Variants in KSR2 observed in about 807,000 individuals in gnomAD.
KSR2 encodes kinase suppressor of ras 2.
A neutral mutation model predicts 107.8 loss-of-function variants in KSR2; 25 were observed. That is an observed-to-expected ratio of 0.23 (90% CI 0.17 to 0.32). The LOEUF is 0.32. Among genes scored for constraint, KSR2 ranks in the 10% least tolerant of loss-of-function variants. KSR2 has a pLI of 1.00. For missense variants in KSR2, 887 were observed against 1,268.9 expected (o/e 0.70, Z 4.57); for synonymous variants, 480 against 507.0 (o/e 0.95, Z 0.71).
At chr12:117,542,290 G>T (rs1414484989) in intron 9 of KSR2, among the ~76,000 whole-genome samples, 1 of 152,028 alleles carries the variant, frequency 6.6e-6, no homozygotes, top group Non-Finnish European at 1.5e-5. Flanking sequence ...ATTGAGTAGA[G>T]GTGCTTTGTC....
intron 3 of KSR2, among the ~76,000 whole-genome samples, chr12:117,803,560 G>C (rs984851596): frequency 2.6e-5 from 4 of 151,978 alleles, no homozygotes; most frequent in Admixed American, 6.6e-5. Context: ...AAAATTAGCC[G>C]GACGTGGTGG....
intron 1 of KSR2, among the ~76,000 whole-genome samples, chr12:117,862,062 CTTTT>C (rs34794818): frequency 7.1e-6 from 1 of 139,894 alleles, no homozygotes; most frequent in African/African-American, 2.6e-5. Flanking sequence ...ATATTATCAT[CTTTT>C]TTTTTTTTTT....
intron 3 of KSR2, among the ~76,000 whole-genome samples, chr12:117,854,150 G>T (rs781528672): frequency 6.6e-6 from 1 of 152,046 alleles, no homozygotes; most frequent in Non-Finnish European, 1.5e-5. Context: ...GACTACAGGC[G>T]TGTGCCACCA....
chr12:117,732,469 T>C (rs1887770265), intron 4 of KSR2, among the ~76,000 whole-genome samples: 1 of 152,054 alleles, frequency 6.6e-6, no homozygotes. Context: ...TTTGTATTTT[T>C]AGTAGAGATG....
chr12:117,793,864 C>T (rs1427526432), intron 3 of KSR2, among the ~76,000 whole-genome samples: 1 of 141,842 alleles, frequency 7.1e-6, no homozygotes, highest in East Asian at 2.3e-4. Context: ...TGCGCATATA[C>T]ACCAATATGC....
intron 3 of KSR2, among the ~76,000 whole-genome samples, chr12:117,773,511 A>T (rs1889579659): frequency 6.6e-6 from 1 of 152,176 alleles, no homozygotes; most frequent in Non-Finnish European, 1.5e-5. Context: ...ATTTCTCTGA[A>T]TTTCGGAGCC....
At chr12:117,913,110 C>A (rs948788469) in intron 1 of KSR2, among the ~76,000 whole-genome samples, 1 of 152,180 alleles carries the variant, frequency 6.6e-6, no homozygotes, top group Non-Finnish European at 1.5e-5. Flanking sequence ...AATGGTGTAT[C>A]CTGTCCGTTC....
chr12:117,736,201 A>T (rs1259257395), intron 4 of KSR2, among the ~76,000 whole-genome samples: 1 of 152,196 alleles, frequency 6.6e-6, no homozygotes, highest in Non-Finnish European at 1.5e-5. Flanking sequence ...CCCCCAGGTC[A>T]TTTATTCACT....
At chr12:117,835,688 G>A (rs145330500) in intron 3 of KSR2, among the ~76,000 whole-genome samples, 1,871 of 152,210 alleles carry the variant, frequency 0.012, 44 homozygotes, top group African/African-American at 0.043. Flanking sequence ...CCAGGGGCTA[G>A]GGGGTTGGAT....
intron 4 of KSR2, among the ~76,000 whole-genome samples, chr12:117,748,641 C>T (rs1253034373): frequency 6.6e-6 from 1 of 152,068 alleles, no homozygotes; most frequent in Non-Finnish European, 1.5e-5. Context: ...TACAATAAGC[C>T]TTCCATAAGT....
intron 3 of KSR2, among the ~76,000 whole-genome samples, chr12:117,823,130 A>AAC (rs35002501): frequency 5.0e-4 from 75 of 150,298 alleles, no homozygotes; most frequent in Non-Finnish European, 5.9e-4. Flanking sequence ...AAAAAAAAAA[A>AAC]GTGTGGCTGG....
rs1346917877 is a variant in KSR2 at position 117,927,392 on chromosome 12, A to C, written c.180+40684T>G. ...CTCTGTCTCAAAAAATAACAACAAA[A>C]AAAAAAGGACCAGGCCTTGGCTGGG... On this transcript the variant is annotated intron_variant, in intron 1 of 19. Coordinates refer to ENST00000339824, the MANE Select transcript of KSR2 (RefSeq NM_173598.6). 4.0e-5 allele frequency among the ~76,000 whole-genome samples: 6 copies of C among 149,386 alleles called. No homozygotes were observed. In the East Asian group the frequency reaches 5.9e-4, roughly 15 times the overall value.
chr12:117,498,739 TA>T (rs1207374543), intron 14 of KSR2, among the ~76,000 whole-genome samples: 1 of 152,164 alleles, frequency 6.6e-6, no homozygotes, highest in Non-Finnish European at 1.5e-5. Context: ...ATTCTCGTGA[TA>T]GTGAATAAGT....
intron 8 of KSR2, among the ~76,000 whole-genome samples, chr12:117,557,858 C>T (rs1239531850): frequency 6.6e-6 from 1 of 152,162 alleles, no homozygotes; most frequent in African/African-American, 2.4e-5. Context: ...TTGAAAGCTG[C>T]ACTACAAAAG....
intron 3 of KSR2, among the ~76,000 whole-genome samples, chr12:117,843,390 T>C (rs375276580): frequency 6.6e-6 from 1 of 152,172 alleles, no homozygotes; most frequent in African/African-American, 2.4e-5. Context: ...GCCCCGACCA[T>C]GTCTCTGACC....
At chr12:117,536,448 G>A (rs981700422) in intron 10 of KSR2, among the ~76,000 whole-genome samples, 3 of 152,196 alleles carry the variant, frequency 2.0e-5, no homozygotes, top group East Asian at 1.9e-4. Context: ...ATTATTATTC[G>A]ATTCTAAAAT....
Position 117,687,380 on chromosome 12 carries a change from G to C in KSR2, c.987-19722C>G, listed in dbSNP as rs145080866. Among the ~76,000 whole-genome samples the C allele has an allele frequency of 4.4e-3, 671 of 152,290 alleles. 6 individuals carry two copies. The highest frequency in any genetic ancestry group is 0.015 in the African/African-American group (642 of 41,568). On this transcript the variant is annotated intron_variant, in intron 4 of 19. Coordinates refer to ENST00000339824, the MANE Select transcript of KSR2 (RefSeq NM_173598.6). ...AGTCTGAATCTCTTTTTCCACGAGAGTTTGAAGAACTGTTGCCTGAAATTA... is the reference window on the plus strand; with the variant it reads ...AGTCTGAATCTCTTTTTCCACGAGACTTTGAAGAACTGTTGCCTGAAATTA...
At chr12:117,602,327 G>C (rs1389911577) in intron 5 of KSR2, among the ~76,000 whole-genome samples, 1 of 152,174 alleles carries the variant, frequency 6.6e-6, no homozygotes, top group Non-Finnish European at 1.5e-5. Flanking sequence ...CCTCTGTATA[G>C]TTCCAAACTA....
At chr12:117,552,284 C>A (rs578107855) in intron 9 of KSR2, among the ~76,000 whole-genome samples, 1 of 152,236 alleles carries the variant, frequency 6.6e-6, no homozygotes, top group African/African-American at 2.4e-5. Context: ...ATCCTCATAA[C>A]AACTGTCTGA....
Sources: gnomAD v4.1 joint callset for allele counts (sites outside exome capture counted in the v4.1 genomes callset) on GRCh38, gnomAD v4.1.1 for gene constraint, MANE v1.5 for transcripts, NCBI Gene and HGNC (gene_info 2026-07-23, HGNC 2026-07-21) for gene names.